SLC13A1: variants seen among roughly 807,000 people sequenced by gnomAD.
The protein encoded by SLC13A1 is Na(+)/sulfate cotransporter.
SLC13A1 carries 65 observed loss-of-function variants against 70.0 expected under a neutral mutation model. That is an observed-to-expected ratio of 0.93 (90% confidence interval 0.76 to 1.14). The LOEUF (loss-of-function observed/expected upper bound fraction) is 1.14. SLC13A1 is among the 50% of genes most tolerant of loss of function. SLC13A1 has a pLI of 0.00. For synonymous variants in SLC13A1, 275 were observed against 250.5 expected, an observed-to-expected ratio of 1.10 and a Z score of -0.92; for missense variants, 726 against 717.8, an observed-to-expected ratio of 1.01 and a Z score of -0.13.
intron 7 of SLC13A1, among the ~76,000 whole-genome samples, chr7:123,144,956 A>G (rs1794299275): frequency 6.6e-6 from 1 of 152,204 alleles, no homozygotes; most frequent in African/African-American, 2.4e-5. Context: ...CTATAATTGC[A>G]CACCAATTAT....
chr7:123,198,091 C>G (rs1796239749), intron 1 of SLC13A1, among the ~76,000 whole-genome samples: 1 of 151,962 alleles, frequency 6.6e-6, no homozygotes, highest in Non-Finnish European at 1.5e-5. Flanking sequence ...AGGTATGAAG[C>G]AGGATATGGT....
intron 6 of SLC13A1, among the ~76,000 whole-genome samples, chr7:123,154,927 G>A (rs188418089): frequency 6.6e-6 from 1 of 152,202 alleles, no homozygotes; most frequent in East Asian, 1.9e-4. Context: ...TTGACTCTAG[G>A]TTGGAAATAA....
intron 2 of SLC13A1, among the ~76,000 whole-genome samples, chr7:123,172,847 A>G (rs1484738551): frequency 2.0e-5 from 3 of 152,172 alleles, no homozygotes; most frequent in Admixed American, 6.6e-5. Flanking sequence ...GAATTTTGAC[A>G]TACTAGAACT....
intron 1 of SLC13A1, among the ~76,000 whole-genome samples, chr7:123,193,959 C>G (rs563602228): frequency 2.8e-4 from 43 of 152,222 alleles, no homozygotes; most frequent in Admixed American, 6.5e-5. Flanking sequence ...CTCCTGCATT[C>G]TCTCCTTCCT....
intron 1 of SLC13A1, among the ~76,000 whole-genome samples, chr7:123,186,451 A>C (rs1290778280): frequency 6.6e-6 from 1 of 152,120 alleles, no homozygotes; most frequent in African/African-American, 2.4e-5. Flanking sequence ...TAGAGTGACC[A>C]ATTGTTTCAA....
intron 1 of SLC13A1, among the ~76,000 whole-genome samples, chr7:123,195,583 C>G (rs939263879): frequency 6.6e-6 from 1 of 151,954 alleles, no homozygotes; most frequent in Admixed American, 6.6e-5. Flanking sequence ...TTTCTCCCAT[C>G]TGTTTATTTT....
intron 1 of SLC13A1, among the ~76,000 whole-genome samples, chr7:123,182,020 C>G (rs1485135256): frequency 6.6e-6 from 1 of 152,070 alleles, no homozygotes; most frequent in Non-Finnish European, 1.5e-5. Flanking sequence ...TGACCAGCAT[C>G]CCTACACTTC....
chr7:123,143,546 C>G (rs558369715), intron 7 of SLC13A1, among the ~76,000 whole-genome samples: 2 of 152,128 alleles, frequency 1.3e-5, no homozygotes. Context: ...CTGGGCTCCT[C>G]CTCTCCCCAC....
intron 13 of SLC13A1, among the ~76,000 whole-genome samples, chr7:123,118,130 A>G (rs908302643): frequency 5.9e-5 from 9 of 152,084 alleles, no homozygotes; most frequent in Non-Finnish European, 1.2e-4. Flanking sequence ...GAGCTCAGGT[A>G]GGTTTTCAAG....
chr7:123,150,506 C>T (rs1794519116), intron 6 of SLC13A1, among the ~76,000 whole-genome samples: 1 of 152,136 alleles, frequency 6.6e-6, no homozygotes, highest in South Asian at 2.1e-4. Flanking sequence ...TCTTAACCCT[C>T]CTTTCAAGTA....
chr7:123,152,343 C>G (rs1794583942), intron 6 of SLC13A1, among the ~76,000 whole-genome samples: 2 of 152,062 alleles, frequency 1.3e-5, no homozygotes, highest in African/African-American at 4.8e-5. Flanking sequence ...ATACTGATTT[C>G]ATTTTGGGGG....
chr7:123,140,185 G>A (rs1794086344), intron 7 of SLC13A1, among the ~76,000 whole-genome samples: 3 of 151,998 alleles, frequency 2.0e-5, no homozygotes, highest in Admixed American at 6.6e-5. Context: ...AAATTAAAAT[G>A]ATCATATAGT....
chr7:123,191,063 G>GCTTT (rs1266454174), intron 1 of SLC13A1, among the ~76,000 whole-genome samples: 7 of 151,988 alleles, frequency 4.6e-5, no homozygotes, highest in African/African-American at 1.7e-4. Context: ...CTGAGTGGTA[G>GCTTT]CTTTATTCTT....
At chr7:123,176,140 T>C (rs1795439431) in intron 2 of SLC13A1, among the ~76,000 whole-genome samples, 1 of 152,236 alleles carries the variant, frequency 6.6e-6, no homozygotes. Flanking sequence ...CAATAGACCA[T>C]GCAAACAAAC....
At chr7:123,149,673 C>T (rs1037825836) in intron 6 of SLC13A1, 1 of 454,676 alleles carries the variant, frequency 2.2e-6, no homozygotes, top group Non-Finnish European at 4.4e-6. Flanking sequence ...ATTATAGTTA[C>T]TCAGGGGTAG....
In SLC13A1 at chr7:123,134,394, T is replaced by C; in HGVS notation, c.932+16A>G. 4 of 1,610,098 alleles carry C rather than the reference T, an allele frequency of 2.5e-6. No homozygotes were observed. The highest frequency in any genetic ancestry group is 2.5e-6 in the Non-Finnish European group (3 of 1,177,956). ...GACACCTTTATTTAGCCTATTAACATGAAATATTTACTTACTTGAATCCTA... is the reference window on the plus strand; with the variant it reads ...GACACCTTTATTTAGCCTATTAACACGAAATATTTACTTACTTGAATCCTA... On this transcript the variant is annotated intron_variant, in intron 8 of 14. Transcript: ENST00000194130.
intron 6 of SLC13A1, among the ~76,000 whole-genome samples, chr7:123,159,188 T>C (rs566946918): frequency 6.6e-6 from 1 of 152,268 alleles, no homozygotes; most frequent in East Asian, 1.9e-4. Flanking sequence ...TGGATTATCT[T>C]TAAATGTTTA....
intron 2 of SLC13A1, among the ~76,000 whole-genome samples, chr7:123,178,033 C>CTCTCTCTCTCTCTCTCTATA (rs761704605): frequency 2.7e-5 from 4 of 149,956 alleles, no homozygotes; most frequent in African/African-American, 7.4e-5. Flanking sequence ...CTCTCTCTCT[C>CTCTCTCTCTCTCTCTCTATA]TATATATATA....
chr7:123,166,048 T>C (rs941707026), intron 6 of SLC13A1, among the ~76,000 whole-genome samples: 4 of 152,028 alleles, frequency 2.6e-5, no homozygotes, highest in Admixed American at 6.6e-5. Context: ...ACTTCCTCGC[T>C]GCAGTACTCC....
Sources: allele counts gnomAD v4.1 joint callset (sites outside exome capture counted in the v4.1 genomes callset), GRCh38; gene constraint gnomAD v4.1.1; transcripts MANE v1.5; gene names NCBI Gene and HGNC (gene_info 2026-07-23, HGNC 2026-07-21).